RGS7BP: variants seen among roughly 807,000 people sequenced by gnomAD.
RGS7BP encodes regulator of G protein signaling 7-binding protein.
RGS7BP carries 9 observed loss-of-function variants against 31.3 expected under a neutral mutation model. That is an observed-to-expected ratio of 0.29 (90% confidence interval 0.17 to 0.50). The LOEUF (loss-of-function observed/expected upper bound fraction) is 0.50, where lower values mean the gene tolerates loss of function less well. RGS7BP is among the 20% of genes least tolerant of loss of function. The pLI is 0.98. For synonymous variants in RGS7BP, 115 were observed against 120.1 expected, an observed-to-expected ratio of 0.96 and a Z score of 0.28; for missense variants, 274 against 322.0, an observed-to-expected ratio of 0.85 and a Z score of 1.14.
Position 64,506,125 on chromosome 5 carries a change from C to T in RGS7BP, c.-500C>T, listed in dbSNP as rs1340975062. The stretch of plus-strand genomic sequence containing the variant: ...TTGCTTTGGGGACGGCCAGTCCTTC[C>T]AGGCCTGGCGACAGTGGAGGGAGGG... On this transcript the variant is annotated 5_prime_UTR_variant, in exon 1 of 6. Transcript: ENST00000334025. This position sits in a 1 kb window ranked among gnomAD's most constrained non-coding sequence, Gnocchi z 4.6. 6.6e-6 allele frequency: 1 copy of T among 152,648 alleles called. No individual in the cohort carries two copies. Among genetic ancestry groups the T allele is most frequent in the African/African-American group, 2.4e-5 (1 of 41,570 alleles). 9.5% of individuals were successfully genotyped at this position (152,648 alleles called of 1,614,324 possible). A position where few individuals can be genotyped will look rare whatever the true frequency, so the allele number is the denominator to read the frequency against.
intron 2 of RGS7BP, among the ~76,000 whole-genome samples, chr5:64,527,910 T>C (rs1749272650): frequency 6.6e-6 from 1 of 152,188 alleles, no homozygotes; most frequent in South Asian, 2.1e-4. Context: ...TTTCTAAATA[T>C]TCTGTGGTAA....
rs142139202 is a variant in RGS7BP at position 64,551,549 on chromosome 5, G to T, written c.333-24225G>T. On this transcript the variant is annotated intron_variant, in intron 2 of 5. Coordinates refer to ENST00000334025, the MANE Select transcript of RGS7BP (RefSeq NM_001029875.3). ...AATTGTGTGTCTTAAGGATTTTTATGGGAGTCACCCTATATTAAGACTATA... is the reference window on the plus strand; with the variant it reads ...AATTGTGTGTCTTAAGGATTTTTATTGGAGTCACCCTATATTAAGACTATA... 1.9e-4 allele frequency among the ~76,000 whole-genome samples: 29 copies of T among 151,814 alleles called. No individual in the cohort carries two copies. In the East Asian group the frequency reaches 5.0e-3, roughly 26 times the overall value.
Position 64,609,374 on chromosome 5 carries a change from C to A in RGS7BP, c.*122C>A. On this transcript the variant is annotated 3_prime_UTR_variant, in exon 6 of 6. Coordinates refer to ENST00000334025, the MANE Select transcript of RGS7BP (RefSeq NM_001029875.3). ...CTATGTTTTCTATGCTTCCTTATTA[C>A]TTTTATCTGCCTCCCCCTGCCCTTT... The A allele has an allele frequency of 1.5e-6, 1 of 651,132 alleles. No individual in the cohort carries two copies. The highest frequency in any genetic ancestry group is 2.8e-6 in the Non-Finnish European group (1 of 354,740). The allele number at this position is 651,132 out of a possible 1,614,324, so 40.3% of individuals were successfully genotyped here.
chr5:64,602,638 A>G (rs1743248634), intron 5 of RGS7BP, among the ~76,000 whole-genome samples: 1 of 152,206 alleles, frequency 6.6e-6, no homozygotes, highest in Non-Finnish European at 1.5e-5. Context: ...AAACTTTTCC[A>G]AATGCCATAT....
chr5:64,576,033 A>T lies in RGS7BP; in HGVS notation c.463+129A>T, dbSNP rs558375058. The T allele has an allele frequency of 2.7e-4, 214 of 793,380 alleles. 1 individual carries two copies. In the African/African-American group the frequency reaches 3.2e-3, roughly 12 times the overall value. 49.1% of individuals were successfully genotyped at this position (793,380 alleles called of 1,614,324 possible). ...ATTACGATGAATTTAAATGTTCAGG[A>T]AATGCTTGCTATATAAATGAATAAG... On this transcript the variant is annotated intron_variant, in intron 3 of 5. Transcript: ENST00000334025.
At chr5:64,554,121 A>C (rs1741864283) in intron 2 of RGS7BP, among the ~76,000 whole-genome samples, 1 of 152,114 alleles carries the variant, frequency 6.6e-6, no homozygotes, top group South Asian at 2.1e-4. Context: ...TCTGGATTTC[A>C]GTTTGGCTTG....
chr5:64,521,677 C>T (rs1452156588), intron 2 of RGS7BP, among the ~76,000 whole-genome samples: 1 of 152,166 alleles, frequency 6.6e-6, no homozygotes, highest in Non-Finnish European at 1.5e-5. Flanking sequence ...AAAGAATAAA[C>T]CATTTTCCCT....
chr5:64,535,535 T>C (rs1351729341), intron 2 of RGS7BP, among the ~76,000 whole-genome samples: 1 of 152,168 alleles, frequency 6.6e-6, no homozygotes, highest in Non-Finnish European at 1.5e-5. Flanking sequence ...GAAAAATATA[T>C]GATCCCCTTA....
chr5:64,508,160 G>A (rs1748745040), intron 2 of RGS7BP, among the ~76,000 whole-genome samples: 1 of 152,158 alleles, frequency 6.6e-6, no homozygotes, highest in Non-Finnish European at 1.5e-5. Context: ...TGGAGCATAA[G>A]ATTTGGGGTG....
At chr5:64,594,930 G>A (rs766582442) in intron 4 of RGS7BP, 73 bp downstream of exon 4, 23 of 1,485,918 alleles carry the variant, frequency 1.5e-5, no homozygotes, top group Non-Finnish European at 2.0e-5. Flanking sequence ...ACAGAGAGAC[G>A]AGGTTTTCTA....
At chr5:64,575,942 GT>G in intron 3 of RGS7BP, 38 bp downstream of exon 3, 1 of 1,587,500 alleles carries the variant, frequency 6.3e-7, no homozygotes, top group Non-Finnish European at 8.6e-7. Context: ...ACTGAGGAAT[GT>G]TGAACAAAAG....
intron 2 of RGS7BP, among the ~76,000 whole-genome samples, chr5:64,570,812 A>C (rs1742285091): frequency 6.6e-6 from 1 of 152,182 alleles, no homozygotes; most frequent in South Asian, 2.1e-4. Context: ...GCTTTATTAC[A>C]TATCTACCTG....
At chr5:64,508,283 T>C (rs940476513) in intron 2 of RGS7BP, among the ~76,000 whole-genome samples, 1 of 152,124 alleles carries the variant, frequency 6.6e-6, no homozygotes, top group African/African-American at 2.4e-5. Context: ...AAATCCCAGA[T>C]TTACTAAACT....
intron 3 of RGS7BP, among the ~76,000 whole-genome samples, chr5:64,576,836 T>A (rs1307900200): frequency 6.6e-6 from 1 of 152,196 alleles, no homozygotes; most frequent in Non-Finnish European, 1.5e-5. Context: ...ATTTTCTTCA[T>A]TAATTCATTG....
At chr5:64,567,774 T>C (rs1268403492) in intron 2 of RGS7BP, among the ~76,000 whole-genome samples, 2 of 152,132 alleles carry the variant, frequency 1.3e-5, no homozygotes, top group Non-Finnish European at 2.9e-5. Flanking sequence ...AAGTCAACAG[T>C]TTAATGTATT....
At chr5:64,581,340 T>C (rs911576604) in intron 3 of RGS7BP, among the ~76,000 whole-genome samples, 1 of 152,310 alleles carries the variant, frequency 6.6e-6, no homozygotes, top group African/African-American at 2.4e-5. Context: ...CAAGGAAAAA[T>C]AAAAGGGATT....
In RGS7BP at chr5:64,594,778, C is replaced by A. The variant is rs752834472; in HGVS notation, c.532C>A (p.Leu178Ile). The A allele has an allele frequency of 4.3e-6, 7 of 1,613,736 alleles. No individual in the cohort carries two copies. The South Asian group carries it at 6.6e-5, about 15-fold the overall frequency. ...KIEESAETPALEDSSSSPVDS... is the reference protein window; with the variant it reads ...KIEESAETPAIEDSSSSPVDS... ...TGAGGAGAGTGCTGAAACACCTGCC[C>A]TAGAAGACTCCTCATCATCCCCCGT... is the stretch of plus-strand genomic sequence containing the variant. The change falls in exon 4 of 6, where the codon CTA becomes ATA. Residue 178 changes from leucine (L) to isoleucine (I), a missense_variant. This residue lies in a region of RGS7BP where 112 missense variants were observed against 130.9 expected (regional missense o/e 0.86). Transcript: ENST00000334025.
chr5:64,606,371 G>T (rs1283007498), intron 5 of RGS7BP, among the ~76,000 whole-genome samples: 1 of 151,894 alleles, frequency 6.6e-6, no homozygotes, highest in African/African-American at 2.4e-5. Context: ...GACCACTTCA[G>T]TCTCTCCCCA....
chr5:64,543,358 G>T (rs1371128655), intron 2 of RGS7BP, among the ~76,000 whole-genome samples: 1 of 152,230 alleles, frequency 6.6e-6, no homozygotes, highest in African/African-American at 2.4e-5. Flanking sequence ...AGGCCAAAAA[G>T]AGAATTAATT....
Sources: gnomAD v4.1 joint callset for allele counts (sites outside exome capture counted in the v4.1 genomes callset) on GRCh38, gnomAD v4.1.1 for gene constraint, gnomAD v4.1.1 regional missense constraint, Gnocchi (gnomAD v3.1) non-coding constraint, MANE v1.5 for transcripts, NCBI Gene and HGNC (gene_info 2026-07-23, HGNC 2026-07-21) for gene names.